MRRF: variants seen among roughly 807,000 people sequenced by gnomAD.
MRRF encodes the protein ribosome-recycling factor, mitochondrial.
Under a neutral mutation model 25.1 loss-of-function variants are expected in MRRF, and 18 were observed. The ratio of observed to expected loss-of-function variants is 0.72; its 90% CI spans 0.50 to 1.06. MRRF has a LOEUF of 1.06. MRRF is among the 50% of genes least tolerant of loss of function. MRRF has a pLI of 0.00. For missense variants in MRRF, 323 were observed against 319.3 expected, an observed-to-expected ratio of 1.01 and a Z score of -0.09; for synonymous variants, 113 against 112.1, an observed-to-expected ratio of 1.01 and a Z score of -0.05.
intron 4 of MRRF, 98 bp downstream of exon 4, chr9:122,285,385 A>G: frequency 1.2e-6 from 1 of 825,494 alleles, no homozygotes. Context: ...TTAGGATGAA[A>G]CAAGAGAGAA....
At position 122,328,476 on chromosome 9, in the gene MRRF, A is replaced by C. The variant is rs968619818; in HGVS notation, c.*5859A>C. On this transcript the variant is annotated 3_prime_UTR_variant, in exon 7 of 7. Coordinates refer to ENST00000344641, the MANE Select transcript of MRRF (RefSeq NM_138777.5). ...ATCATGTTAAGTGGAATCATACAGG[A>C]TTTGTCTTTTTGTGACTAGTTTATT... 7.9e-5 allele frequency: 12 copies of C among 152,100 alleles called. No individual in the cohort carries two copies. The highest frequency in any genetic ancestry group is 1.3e-4 in the Admixed American group (2 of 15,258). The allele number at this position is 152,100 out of a possible 1,614,324, so 9.4% of individuals were successfully genotyped here. A position where few individuals can be genotyped will look rare whatever the true frequency, so the allele number is the denominator to read the frequency against.
At chr9:122,269,958 T>C (rs1019343557) in intron 1 of MRRF, among the ~76,000 whole-genome samples, 7 of 152,154 alleles carry the variant, frequency 4.6e-5, no homozygotes, top group African/African-American at 1.7e-4. Context: ...GTAATGGAGC[T>C]AGGATTGGCT....
intron 5 of MRRF, among the ~76,000 whole-genome samples, chr9:122,299,052 G>C (rs534680893): frequency 6.6e-6 from 1 of 152,206 alleles, no homozygotes; most frequent in South Asian, 2.1e-4. Context: ...TCAAGGAACA[G>C]CAAGAGGGCC....
chr9:122,317,133 A>G (rs1007436270), intron 6 of MRRF, among the ~76,000 whole-genome samples: 1 of 151,468 alleles, frequency 6.6e-6, no homozygotes, highest in Non-Finnish European at 1.5e-5. Flanking sequence ...GGAACGTCCC[A>G]AGTGTGGAAT....
chr9:122,296,801 A>C (rs923069077), intron 5 of MRRF, among the ~76,000 whole-genome samples: 4 of 152,170 alleles, frequency 2.6e-5, no homozygotes, highest in African/African-American at 4.8e-5. Flanking sequence ...CCAAATGTCT[A>C]TGGGAAAACC....
rs1933391137 is a variant in MRRF at position 122,331,258 on chromosome 9, A to G, written c.*8641A>G. 1 of 152,362 alleles carries G rather than the reference A, an allele frequency of 6.6e-6. No homozygotes were observed. The highest frequency in any genetic ancestry group is 2.1e-4 in the South Asian group (1 of 4,826). The allele number at this position is 152,362 out of a possible 1,614,324, so 9.4% of individuals were successfully genotyped here. A position where few individuals can be genotyped will look rare whatever the true frequency, so the allele number is the denominator to read the frequency against. ...AGCAAATGTTTTTATAAAAGTGTTA[A>G]TTTAAATTAACGGACTATTACCTAT... On this transcript the variant is annotated 3_prime_UTR_variant, in exon 7 of 7. Transcript: ENST00000344641.
chr9:122,303,136 A>C (rs1381026427), intron 5 of MRRF, among the ~76,000 whole-genome samples: 1 of 152,154 alleles, frequency 6.6e-6, no homozygotes, highest in Non-Finnish European at 1.5e-5. Flanking sequence ...AATTGCAAAA[A>C]TAACATAAGT....
intron 2 of MRRF, among the ~76,000 whole-genome samples, chr9:122,276,213 C>CTGTTT (rs891204052): frequency 1.4e-4 from 21 of 152,302 alleles, no homozygotes; most frequent in Middle Eastern, 3.4e-3. Context: ...CACGCCCAGC[C>CTGTTT]TGTTTTGTTT....
intron 6 of MRRF, among the ~76,000 whole-genome samples, chr9:122,320,110 G>A (rs1375485997): frequency 1.3e-5 from 2 of 152,086 alleles, no homozygotes; most frequent in Non-Finnish European, 2.9e-5. Flanking sequence ...CTCGACTCAA[G>A]TGATCCTCCC....
intron 6 of MRRF, among the ~76,000 whole-genome samples, chr9:122,320,761 T>C (rs1045456649): frequency 6.6e-6 from 1 of 152,240 alleles, no homozygotes; most frequent in Non-Finnish European, 1.5e-5. Context: ...TTTCTACCCT[T>C]TTTAGTGCAT....
intron 5 of MRRF, among the ~76,000 whole-genome samples, chr9:122,303,739 G>A (rs1349575393): frequency 2.0e-5 from 3 of 152,158 alleles, no homozygotes; most frequent in Admixed American, 6.5e-5. Context: ...CTAGGGATCC[G>A]AAAGTTTAAG....
intron 5 of MRRF, among the ~76,000 whole-genome samples, chr9:122,309,765 T>C (rs1244965917): frequency 2.6e-5 from 4 of 152,236 alleles, no homozygotes; most frequent in Admixed American, 1.3e-4. Context: ...TGTAGGTGCC[T>C]AGTAAGTAGT....
rs1370405460 is a variant in MRRF at position 122,285,276 on chromosome 9, A to C, written c.448A>C (p.Ser150Arg). The change falls in exon 4 of 7, where the codon AGC (serine) becomes CGC (arginine). Residue 150 changes from serine to arginine, a missense_variant. Transcript: ENST00000344641. ...ACAGCTGATTTTGGTGAATATGGCC[A>C]GCTTCCCAGAGGTAAGATGGCCTTG... ...SPQLILVNMA[S>R]FPECTAAAIK... 1.2e-6 allele frequency: 2 copies of C among 1,605,602 alleles called. No individual in the cohort carries two copies. Among genetic ancestry groups the C allele is most frequent in the African/African-American group, 2.7e-5 (2 of 74,748 alleles).
At chr9:122,314,149 G>A (rs547663381) in intron 6 of MRRF, among the ~76,000 whole-genome samples, 44 of 152,108 alleles carry the variant, frequency 2.9e-4, no homozygotes, top group Non-Finnish European at 5.3e-4. Context: ...CTCAGTGATC[G>A]ACAATATCAA....
In MRRF at chr9:122,330,492, C is replaced by CT. The variant is rs1836257270; in HGVS notation, c.*7876dup. 6.6e-6 allele frequency: 1 copy of CT among 152,310 alleles called. No individual in the cohort carries two copies. Among genetic ancestry groups the CT allele is most frequent in the Non-Finnish European group, 1.5e-5 (1 of 68,092 alleles). 9.4% of individuals were successfully genotyped at this position (152,310 alleles called of 1,614,324 possible). A position where few individuals can be genotyped will look rare whatever the true frequency, so the allele number is the denominator to read the frequency against. On this transcript the variant is annotated 3_prime_UTR_variant, in exon 7 of 7. Coordinates refer to ENST00000344641, the MANE Select transcript of MRRF (RefSeq NM_138777.5). The surrounding 1 kb of genome is among the most constrained non-coding windows in gnomAD (Gnocchi z 4.2). Reference sequence around the variant, plus strand: ...CAAATAGCTCCCTTCTTCCAAGACACTACTCCCCAGGCCTCCTCTTCCTGA... The same window carrying CT: ...CAAATAGCTCCCTTCTTCCAAGACACTTACTCCCCAGGCCTCCTCTTCCTGA...
At chr9:122,275,656 C>G (rs1187243811) in intron 2 of MRRF, among the ~76,000 whole-genome samples, 1 of 151,952 alleles carries the variant, frequency 6.6e-6, no homozygotes, top group Non-Finnish European at 1.5e-5. Flanking sequence ...CAAGCAAACC[C>G]CAACCCTGAG....
chr9:122,266,680 A>G (rs554861502), intron 1 of MRRF, among the ~76,000 whole-genome samples: 1 of 152,332 alleles, frequency 6.6e-6, no homozygotes, highest in East Asian at 1.9e-4. Context: ...GGGACAGTAG[A>G]TAAGCCAGGA....
chr9:122,319,481 T>C lies in MRRF; in HGVS notation c.712-3059T>C, dbSNP rs531740320. 8.5e-5 allele frequency among the ~76,000 whole-genome samples: 13 copies of C among 152,306 alleles called. No individual in the cohort carries two copies. The South Asian group carries it at 2.7e-3, about 32-fold the overall frequency. On this transcript the variant is annotated intron_variant, in intron 6 of 6. Coordinates refer to ENST00000344641, the MANE Select transcript of MRRF (RefSeq NM_138777.5). The stretch of plus-strand genomic sequence containing the variant: ...GATCAGTTAACATTCTGTGCCTTGA[T>C]TTACTCCTCTGTAAAATGGGGATAA...
intron 5 of MRRF, among the ~76,000 whole-genome samples, chr9:122,293,422 C>T (rs903739084): frequency 6.6e-6 from 1 of 152,172 alleles, no homozygotes; most frequent in African/African-American, 2.4e-5. Context: ...GATAACAAAG[C>T]CTCATGATGT....
Sources: gnomAD v4.1 joint callset for allele counts (sites outside exome capture counted in the v4.1 genomes callset) on GRCh38, gnomAD v4.1.1 for gene constraint, Gnocchi (gnomAD v3.1) non-coding constraint, MANE v1.5 for transcripts, NCBI Gene and HGNC (gene_info 2026-07-23, HGNC 2026-07-21) for gene names.